Variants in ADAMTS12 observed in about 807,000 individuals in gnomAD.
ADAMTS12 encodes A disintegrin and metalloproteinase with thrombospondin motifs 12.
Under a neutral mutation model 167.8 loss-of-function variants are expected in ADAMTS12, and 118 were observed. That is an observed-to-expected ratio of 0.70 (90% CI 0.61 to 0.82). ADAMTS12 has a LOEUF of 0.82. ADAMTS12 is among the 40% of genes least tolerant of loss of function. The probability of loss-of-function intolerance (pLI) is 0.00; values close to 1 mark genes in which losing one functional copy is unlikely to be tolerated. For synonymous variants in ADAMTS12, 704 were observed against 716.9 expected, an observed-to-expected ratio of 0.98 and a Z score of 0.29; for missense variants, 1,916 against 1,998.8, an observed-to-expected ratio of 0.96 and a Z score of 0.79.
intron 20 of ADAMTS12, among the ~76,000 whole-genome samples, chr5:33,550,092 C>T (rs1353803560): frequency 3.9e-5 from 6 of 152,192 alleles, no homozygotes; most frequent in Non-Finnish European, 8.8e-5. Context: ...GCCCTACTCA[C>T]TCCCTTCCTC....
At chr5:33,587,012 C>T (rs957422766) in intron 18 of ADAMTS12, among the ~76,000 whole-genome samples, 1 of 151,072 alleles carries the variant, frequency 6.6e-6, no homozygotes, top group African/African-American at 2.4e-5. Context: ...GATGGAAGTT[C>T]TTACCATCTA....
chr5:33,791,697 CTG>C (rs1247846627), intron 2 of ADAMTS12, among the ~76,000 whole-genome samples: 10 of 151,870 alleles, frequency 6.6e-5, no homozygotes, highest in Non-Finnish European at 1.5e-4. Flanking sequence ...TTAAGTCTGT[CTG>C]TGGTTCCTTG....
At position 33,790,782 on chromosome 5, in the gene ADAMTS12, CATATATATAT is replaced by C. The variant is rs10622464; in HGVS notation, c.490-39244_490-39235del. ...TCAAACTTCTAGCTTGACATACAAA[CATATATATAT>C]ATATATATATATATATATGCATGTT... On this transcript the variant is annotated intron_variant, in intron 2 of 23. Transcript: ENST00000504830. 4.1e-3 allele frequency among the ~76,000 whole-genome samples: 544 copies of C among 134,028 alleles called. 8 individuals carry two copies. The highest frequency in any genetic ancestry group is 0.014 in the African/African-American group (517 of 36,198). The allele number at this position is 134,028 out of a possible 152,430, so 87.9% of individuals were successfully genotyped here.
chr5:33,594,223 A>T (rs1260991257), intron 17 of ADAMTS12, among the ~76,000 whole-genome samples: 1 of 152,176 alleles, frequency 6.6e-6, no homozygotes. Context: ...AAACCCTTTC[A>T]CTTGGCTCTC....
At chr5:33,692,140 T>G (rs911179433) in intron 3 of ADAMTS12, among the ~76,000 whole-genome samples, 12 of 152,214 alleles carry the variant, frequency 7.9e-5, no homozygotes, top group African/African-American at 2.9e-4. Context: ...TCTGGGTGCA[T>G]GGCTTCCTAG....
chr5:33,887,262 T>C (rs1334636752), intron 1 of ADAMTS12, among the ~76,000 whole-genome samples: 1 of 152,170 alleles, frequency 6.6e-6, no homozygotes, highest in African/African-American at 2.4e-5. Context: ...CACAGTTCTC[T>C]GAGTAAGCAT....
At chr5:33,580,134 G>T (rs550028150) in intron 18 of ADAMTS12, among the ~76,000 whole-genome samples, 116 of 152,314 alleles carry the variant, frequency 7.6e-4, no homozygotes, top group African/African-American at 2.8e-3. Context: ...GTGTGAATTT[G>T]CTCAACCTAA....
intron 2 of ADAMTS12, among the ~76,000 whole-genome samples, chr5:33,854,981 G>A (rs751998351): frequency 2.0e-5 from 3 of 152,192 alleles, no homozygotes; most frequent in Non-Finnish European, 4.4e-5. Context: ...ACTCAAATCA[G>A]TGATTTCTGC....
At chr5:33,616,453 C>T (rs532300225) in intron 14 of ADAMTS12, among the ~76,000 whole-genome samples, 1 of 152,306 alleles carries the variant, frequency 6.6e-6, no homozygotes, top group South Asian at 2.1e-4. Context: ...GCTACTATTA[C>T]ATTAGACTTC....
At chr5:33,696,670 G>A (rs1282305318) in intron 3 of ADAMTS12, among the ~76,000 whole-genome samples, 1 of 152,140 alleles carries the variant, frequency 6.6e-6, no homozygotes, top group African/African-American at 2.4e-5. Flanking sequence ...AGCAAAGGAA[G>A]GGAAGTAAGT....
intron 5 of ADAMTS12, among the ~76,000 whole-genome samples, chr5:33,667,146 C>T (rs1297532107): frequency 1.3e-5 from 2 of 151,828 alleles, no homozygotes; most frequent in East Asian, 1.9e-4. Context: ...ACTGAAGCCC[C>T]ATCTTTACTA....
intron 16 of ADAMTS12, among the ~76,000 whole-genome samples, chr5:33,611,209 T>C (rs897720566): frequency 2.0e-5 from 3 of 152,182 alleles, no homozygotes; most frequent in Non-Finnish European, 4.4e-5. Flanking sequence ...TGGCTATACA[T>C]ATGCATAGTA....
At chr5:33,859,116 T>A (rs565361579) in intron 2 of ADAMTS12, among the ~76,000 whole-genome samples, 32 of 148,482 alleles carry the variant, frequency 2.2e-4, no homozygotes, top group African/African-American at 7.5e-4. Context: ...ACGGCAGGAG[T>A]TTTTTCATAC....
chr5:33,736,247 G>C (rs892790226), intron 3 of ADAMTS12, among the ~76,000 whole-genome samples: 4 of 151,988 alleles, frequency 2.6e-5, no homozygotes, highest in Non-Finnish European at 4.4e-5. Flanking sequence ...ATTTTTAGTA[G>C]TGATGGGGTT....
rs115692439 is a variant in ADAMTS12, at chr5:33,761,534, C to T, written c.490-9986G>A. On this transcript the variant is annotated intron_variant, in intron 2 of 23. Coordinates refer to ENST00000504830, the MANE Select transcript of ADAMTS12 (RefSeq NM_030955.4). Reference sequence around the variant, plus strand: ...AAGGGTAACAAAATGAAGAGGAGGTCGAGTGAGATGTTAGAGACATAAATG... The same window carrying T: ...AAGGGTAACAAAATGAAGAGGAGGTTGAGTGAGATGTTAGAGACATAAATG... 7.9e-3 allele frequency among the ~76,000 whole-genome samples: 1,208 copies of T among 152,070 alleles called. 16 individuals carry two copies. Among genetic ancestry groups the T allele is most frequent in the African/African-American group, 0.028 (1,157 of 41,438 alleles).
At chr5:33,626,899 T>C (rs1266467917) in intron 13 of ADAMTS12, among the ~76,000 whole-genome samples, 2 of 147,522 alleles carry the variant, frequency 1.4e-5, no homozygotes, top group African/African-American at 2.6e-5. Context: ...GGTGATTTGA[T>C]GGTGGTGATG....
chr5:33,633,030 G>A (rs1740022789), intron 12 of ADAMTS12, among the ~76,000 whole-genome samples: 1 of 151,702 alleles, frequency 6.6e-6, no homozygotes, highest in South Asian at 2.1e-4. Context: ...GCATCAAGTT[G>A]CAGAACTGGC....
chr5:33,651,941 C>T (rs1276532661), intron 7 of ADAMTS12, among the ~76,000 whole-genome samples: 1 of 152,146 alleles, frequency 6.6e-6, no homozygotes, highest in Non-Finnish European at 1.5e-5. Context: ...GTCTCCAACT[C>T]CATCTATGTT....
At chr5:33,677,559 C>A (rs577374765) in intron 5 of ADAMTS12, among the ~76,000 whole-genome samples, 1 of 152,274 alleles carries the variant, frequency 6.6e-6, no homozygotes, top group East Asian at 1.9e-4. Context: ...GCCCACCAAA[C>A]AAATTGGTCT....
Sources: gnomAD v4.1 joint callset for allele counts (sites outside exome capture counted in the v4.1 genomes callset) on GRCh38, gnomAD v4.1.1 for gene constraint, MANE v1.5 for transcripts, NCBI Gene and HGNC (gene_info 2026-07-23, HGNC 2026-07-21) for gene names.